GRIA4: variants seen among roughly 807,000 people sequenced by gnomAD.
GRIA4 encodes glutamate receptor 4.
In GRIA4, 34 loss-of-function variants were observed where a neutral mutation model predicts 104.0. That is an observed-to-expected ratio of 0.33 (90% CI 0.25 to 0.44). The LOEUF (loss-of-function observed/expected upper bound fraction) is 0.44. GRIA4 is among the 20% of genes least tolerant of loss of function. GRIA4 has a pLI of 1.00. For synonymous variants in GRIA4, 386 were observed against 381.9 expected, an observed-to-expected ratio of 1.01 and a Z score of -0.13; for missense variants, 750 against 1,096.5, an observed-to-expected ratio of 0.68 and a Z score of 4.46.
chr11:105,903,768 G>A (rs770862088), intron 7 of GRIA4, 46 bp from the exon 8 acceptor site: 8 of 1,362,596 alleles, frequency 5.9e-6, no homozygotes, highest in East Asian at 2.3e-5. Flanking sequence ...TCTGGCACTC[G>A]ATAAGATTTT....
chr11:105,716,226 C>T lies in GRIA4; in HGVS notation c.248-36755C>T, dbSNP rs118077728. Reference sequence around the variant, plus strand: ...TGAAGGATCCCAGATTGACAAGAAACCATTATATCTTGTGGAACACATTTT... The same window carrying T: ...TGAAGGATCCCAGATTGACAAGAAATCATTATATCTTGTGGAACACATTTT... On this transcript the variant is annotated intron_variant, in intron 3 of 16. Transcript: ENST00000282499. Among the ~76,000 whole-genome samples, 1,025 of 152,104 alleles carry T rather than the reference C, an allele frequency of 6.7e-3. 3 individuals carry two copies. The highest frequency in any genetic ancestry group is 0.013 in the South Asian group (61 of 4,820).
chr11:105,621,538 G>A (rs1950745101), intron 3 of GRIA4, among the ~76,000 whole-genome samples: 1 of 151,380 alleles, frequency 6.6e-6, no homozygotes, highest in African/African-American at 2.4e-5. Context: ...TATTCTTTTG[G>A]TATTTAAGAA....
intron 3 of GRIA4, among the ~76,000 whole-genome samples, chr11:105,658,503 A>G (rs1374932295): frequency 6.6e-6 from 1 of 151,994 alleles, no homozygotes; most frequent in Non-Finnish European, 1.5e-5. Flanking sequence ...TCTAGATAAA[A>G]AGAAGTAGAC....
chr11:105,766,832 T>C (rs1940968900), intron 4 of GRIA4, among the ~76,000 whole-genome samples: 1 of 152,096 alleles, frequency 6.6e-6, no homozygotes, highest in Admixed American at 6.6e-5. Context: ...TGGAATACTC[T>C]TGCCACATGT....
Position 105,753,092 on chromosome 11 carries a change from C to T in GRIA4, c.359C>T (p.Pro120Leu). ...GCCTTACATATCTCCCTCATCACAC[C>T]AAGTTTCCCTACTGAGGGGGAGAGC... is the stretch of plus-strand genomic sequence containing the variant. ...CSALHISLIT[P>L]SFPTEGESQF... The change falls in exon 4 of 17, where the codon CCA becomes CTA. Residue 120 changes from proline (P) to leucine (L), a missense_variant. Pro to Leu is a moderately conservative substitution (Grantham distance 98). Transcript: ENST00000282499. 1 of 1,613,798 alleles carries T rather than the reference C, an allele frequency of 6.2e-7. No homozygotes were observed. The highest frequency in any genetic ancestry group is 8.5e-7 in the Non-Finnish European group (1 of 1,179,852).
At chr11:105,807,988 ACT>A (rs1432737323) in intron 4 of GRIA4, among the ~76,000 whole-genome samples, 2 of 151,606 alleles carry the variant, frequency 1.3e-5, no homozygotes, top group South Asian at 2.1e-4. Context: ...ATATCTCAAT[ACT>A]CTCTTTTGAT....
At chr11:105,876,048 T>C (rs1044482624) in intron 5 of GRIA4, among the ~76,000 whole-genome samples, 2 of 152,212 alleles carry the variant, frequency 1.3e-5, no homozygotes, top group African/African-American at 4.8e-5. Context: ...CCTGTGGGCA[T>C]TTAGTGCTAC....
intron 14 of GRIA4, among the ~76,000 whole-genome samples, chr11:105,935,258 A>G (rs1166823419): frequency 6.6e-6 from 1 of 152,200 alleles, no homozygotes; most frequent in Non-Finnish European, 1.5e-5. Context: ...AGCATTAAAA[A>G]GAGGTAAAAC....
intron 3 of GRIA4, among the ~76,000 whole-genome samples, chr11:105,618,600 A>T (rs1351787505): frequency 5.9e-5 from 9 of 152,006 alleles, no homozygotes. Context: ...AGCAGATCTG[A>T]GTGGGGAGGG....
chr11:105,941,544 T>C (rs1182477411), intron 14 of GRIA4, among the ~76,000 whole-genome samples: 2 of 152,150 alleles, frequency 1.3e-5, no homozygotes, highest in Admixed American at 6.6e-5. Flanking sequence ...CTAGATTTTA[T>C]TGAGCTTTCT....
At chr11:105,709,931 G>T (rs1953850887) in intron 3 of GRIA4, among the ~76,000 whole-genome samples, 1 of 152,090 alleles carries the variant, frequency 6.6e-6, no homozygotes, top group African/African-American at 2.4e-5. Context: ...TTTGTGGGCT[G>T]ATGTACAAGT....
intron 3 of GRIA4, among the ~76,000 whole-genome samples, chr11:105,751,043 G>A (rs538690098): frequency 3.3e-5 from 5 of 152,084 alleles, no homozygotes; most frequent in Non-Finnish European, 4.4e-5. Context: ...TAAAGTACAC[G>A]ACTTGTAAAT....
chr11:105,977,350 A>G lies in GRIA4; in HGVS notation c.2545-2225A>G, dbSNP rs7933780. On this transcript the variant is annotated intron_variant, in intron 16 of 16. Transcript: ENST00000282499. ...TGAATCTCTTGTTAAACAAGAGGTGAGTGGTTTGGAGACTCTGAGTGGTTT... is the reference window on the plus strand; with the variant it reads ...TGAATCTCTTGTTAAACAAGAGGTGGGTGGTTTGGAGACTCTGAGTGGTTT... Among the ~76,000 whole-genome samples the G allele has an allele frequency of 5.0e-3, 757 of 151,992 alleles. 5 individuals are homozygous for G. The highest frequency in any genetic ancestry group is 0.017 in the African/African-American group (696 of 41,466).
chr11:105,886,928 C>A (rs1591397716), intron 5 of GRIA4, among the ~76,000 whole-genome samples: 2 of 149,818 alleles, frequency 1.3e-5, no homozygotes, highest in Admixed American at 1.3e-4. Context: ...AAGAATCCAA[C>A]AGAGAGAAAA....
At chr11:105,649,667 T>C (rs1292722915) in intron 3 of GRIA4, among the ~76,000 whole-genome samples, 1 of 152,146 alleles carries the variant, frequency 6.6e-6, no homozygotes, top group Admixed American at 6.6e-5. Flanking sequence ...TTATGAGATT[T>C]CCTTTGTGGA....
intron 3 of GRIA4, among the ~76,000 whole-genome samples, chr11:105,656,371 C>T (rs1395589797): frequency 4.6e-5 from 7 of 151,438 alleles, no homozygotes; most frequent in African/African-American, 1.7e-4. Context: ...AAAATTAACT[C>T]AAGATGGTTT....
chr11:105,653,095 T>C lies in GRIA4; in HGVS notation c.247+40661T>C, dbSNP rs536711033. On this transcript the variant is annotated intron_variant, in intron 3 of 16. Coordinates refer to ENST00000282499, the MANE Select transcript of GRIA4 (RefSeq NM_000829.4). ...CCCGACTAATTTTTTGTATTTTTAGTAGAGACGGGGTTTCACCGTGCTAGC... is the reference window on the plus strand; with the variant it reads ...CCCGACTAATTTTTTGTATTTTTAGCAGAGACGGGGTTTCACCGTGCTAGC... 9.2e-5 allele frequency among the ~76,000 whole-genome samples: 14 copies of C among 152,240 alleles called. No individual in the cohort carries two copies. The South Asian group carries it at 2.9e-3, about 32-fold the overall frequency.
At position 105,973,449 on chromosome 11, in the gene GRIA4, C is replaced by T. The variant is rs577645276; in HGVS notation, c.2410-861C>T. 2.1e-4 allele frequency among the ~76,000 whole-genome samples: 32 copies of T among 151,874 alleles called. 1 individual carries two copies. Among genetic ancestry groups the T allele is most frequent in the East Asian group, 1.4e-3 (7 of 5,170 alleles). ...CTTAGGGATTATTCTGGATTTATTA[C>T]GAGATTATATGTATACTGAAGCTCT... On this transcript the variant is annotated intron_variant, in intron 15 of 16. Transcript: ENST00000282499.
At chr11:105,850,681 T>C (rs1008047003) in intron 4 of GRIA4, among the ~76,000 whole-genome samples, 2 of 152,164 alleles carry the variant, frequency 1.3e-5, no homozygotes, top group Non-Finnish European at 2.9e-5. Context: ...ATGGTTCTAA[T>C]GTTTGGGCTA....
Sources: allele counts gnomAD v4.1 joint callset (sites outside exome capture counted in the v4.1 genomes callset), GRCh38; gene constraint gnomAD v4.1.1; transcripts MANE v1.5; gene names NCBI Gene and HGNC (gene_info 2026-07-23, HGNC 2026-07-21).